Variants in TEKT5 observed in about 807,000 individuals in gnomAD.
The protein encoded by TEKT5 is tektin 5, also known as tektin-5.
TEKT5 carries 52 observed loss-of-function variants against 48.7 expected under a neutral mutation model. The ratio of observed to expected loss-of-function variants is 1.07; its 90% CI spans 0.86 to 1.35. The LOEUF (loss-of-function observed/expected upper bound fraction) is 1.35, where lower values mean the gene tolerates loss of function less well. TEKT5 is among the 40% of genes most tolerant of loss of function. The pLI, the probability that TEKT5 is intolerant of heterozygous loss-of-function variation, is 0.00. For synonymous variants in TEKT5, 318 were observed against 267.6 expected (o/e 1.19, Z -1.84); for missense variants, 831 against 641.6 (o/e 1.30, Z -3.19).
At chr16:10,680,796 G>A (rs1379350901) in intron 4 of TEKT5, among the ~76,000 whole-genome samples, 2 of 141,544 alleles carry the variant, frequency 1.4e-5, no homozygotes, top group African/African-American at 5.2e-5. Flanking sequence ...ACTCATAGGT[G>A]GGAACTGAAC....
At chr16:10,634,008 T>G (rs1043694271) in intron 6 of TEKT5, among the ~76,000 whole-genome samples, 1 of 152,134 alleles carries the variant, frequency 6.6e-6, no homozygotes, top group Admixed American at 6.5e-5. Flanking sequence ...AACTGATAGC[T>G]CTCTTCTTGA....
intron 5 of TEKT5, among the ~76,000 whole-genome samples, chr16:10,660,468 C>A (rs1035127424): frequency 6.6e-6 from 1 of 152,056 alleles, no homozygotes; most frequent in East Asian, 1.9e-4. Context: ...TCAGCCCTAA[C>A]ACAAACCAAC....
At chr16:10,642,191 C>G (rs1357831176) in intron 5 of TEKT5, among the ~76,000 whole-genome samples, 2 of 152,194 alleles carry the variant, frequency 1.3e-5, no homozygotes, top group Non-Finnish European at 2.9e-5. Context: ...CCTAGAGGCA[C>G]TAGCCCTCCC....
rs867596588 is a variant in TEKT5 at position 10,676,158 on chromosome 16, G to A, written c.887C>T (p.Ala296Val). Reference protein sequence around the residue: ...DGTISVPETWAKFSNDNIKHS... With the variant: ...DGTISVPETWVKFSNDNIKHS... The stretch of plus-strand genomic sequence containing the variant: ...TTTGATGTTGTCGTTACTGAACTTG[G>A]CCCAGGTCTCAGGTACGGAGATCCT... Residue 296 changes from alanine (A) to valine (V), a missense_variant, in exon 5 of 7, where the codon GCC becomes GTC. Transcript: ENST00000283025. 6.2e-7 allele frequency: 1 copy of A among 1,614,056 alleles called. No homozygotes were observed. Among genetic ancestry groups the A allele is most frequent in the Admixed American group, 1.7e-5 (1 of 60,002 alleles).
chr16:10,642,126 G>T (rs770722535), intron 5 of TEKT5, among the ~76,000 whole-genome samples: 1 of 152,228 alleles, frequency 6.6e-6, no homozygotes. Context: ...ATGAGTACAT[G>T]ACACATGTCT....
intron 1 of TEKT5, 50 bp from the exon 2 acceptor site, chr16:10,690,075 C>T: frequency 1.3e-6 from 2 of 1,594,360 alleles, no homozygotes; most frequent in Non-Finnish European, 1.7e-6. Flanking sequence ...TGTATGTAGA[C>T]CCTGAGCAGA....
At chr16:10,628,377 C>T (rs1460579813) in intron 6 of TEKT5, among the ~76,000 whole-genome samples, 3 of 152,182 alleles carry the variant, frequency 2.0e-5, no homozygotes, top group Admixed American at 1.3e-4. Flanking sequence ...GGAGATTCCT[C>T]GATAAGTTAG....
chr16:10,638,474 A>C (rs1596401285), intron 5 of TEKT5, among the ~76,000 whole-genome samples: 1 of 152,214 alleles, frequency 6.6e-6, no homozygotes, highest in East Asian at 1.9e-4. Context: ...GCATGTGCTC[A>C]GTCCCTGAGA....
chr16:10,668,026 C>T (rs905387728), intron 5 of TEKT5, among the ~76,000 whole-genome samples: 3 of 151,978 alleles, frequency 2.0e-5, no homozygotes, highest in Non-Finnish European at 4.4e-5. Flanking sequence ...TACAGGCATG[C>T]GCCACCATGC....
At chr16:10,645,910 T>C (rs975904657) in intron 5 of TEKT5, among the ~76,000 whole-genome samples, 5 of 152,032 alleles carry the variant, frequency 3.3e-5, no homozygotes, top group African/African-American at 1.2e-4. Flanking sequence ...GGTGGGAGGA[T>C]CGCTTGAGCC....
intron 6 of TEKT5, among the ~76,000 whole-genome samples, chr16:10,630,620 T>C (rs1012947253): frequency 2.0e-5 from 3 of 152,210 alleles, no homozygotes; most frequent in Non-Finnish European, 4.4e-5. Flanking sequence ...TGGAAAGATC[T>C]ATATCTGCAC....
intron 5 of TEKT5, among the ~76,000 whole-genome samples, chr16:10,654,448 G>C (rs2142278998): frequency 6.6e-6 from 1 of 152,254 alleles, no homozygotes; most frequent in Admixed American, 6.5e-5. Context: ...CCATTATTTT[G>C]AGGTGTGTCT....
In TEKT5 at chr16:10,627,867, G is replaced by C. The variant is rs887135973; in HGVS notation, c.1242-68C>G. The C allele has an allele frequency of 4.9e-6, 7 of 1,439,304 alleles. No homozygotes were observed. The South Asian group carries it at 6.2e-5, about 13-fold the overall frequency. 89.2% of individuals were successfully genotyped at this position (1,439,304 alleles called of 1,614,324 possible). A position where few individuals can be genotyped will look rare whatever the true frequency, so the allele number is the denominator to read the frequency against. ...TTTTATTTGTTTATTTTTTGAGACA[G>C]AGTCTCACTCTGTCACCCAGGCTGG... On this transcript the variant is annotated intron_variant, in intron 6 of 6. Coordinates refer to ENST00000283025, the MANE Select transcript of TEKT5 (RefSeq NM_144674.2).
In TEKT5 at chr16:10,635,783, T is replaced by C. The variant is rs376579780; in HGVS notation, c.1222A>G (p.Arg408Gly). 6.2e-7 allele frequency: 1 copy of C among 1,614,020 alleles called. No individual in the cohort carries two copies. The highest frequency in any genetic ancestry group is 1.3e-5 in the African/African-American group (1 of 74,932). The change falls in exon 6 of 7, where the codon AGG becomes GGG. Residue 408 changes from arginine to glycine, a missense_variant. Coordinates refer to ENST00000283025, the MANE Select transcript of TEKT5 (RefSeq NM_144674.2). ...ACTTACTTCAACTGCGGGATGTCCC[T>C]GCACAGCTCCATGTTGGGGCGCCGG... ...RTRRPNMELCRDIPQLKLVNE... is the reference protein window; with the variant it reads ...RTRRPNMELCGDIPQLKLVNE...
chr16:10,661,456 A>C (rs117618632), intron 5 of TEKT5, among the ~76,000 whole-genome samples: 6,386 of 152,282 alleles, frequency 0.042, 191 homozygotes, highest in Non-Finnish European at 0.061. Context: ...CAAGCTATTC[A>C]TATGCATATT....
chr16:10,667,089 T>C (rs1235043492), intron 5 of TEKT5, among the ~76,000 whole-genome samples: 2 of 151,090 alleles, frequency 1.3e-5, no homozygotes, highest in Admixed American at 6.6e-5. Flanking sequence ...GCTCAAGTGA[T>C]CCTCCCACTT....
intron 5 of TEKT5, among the ~76,000 whole-genome samples, chr16:10,674,372 G>A (rs961929506): frequency 6.6e-5 from 10 of 152,034 alleles, no homozygotes; most frequent in South Asian, 4.2e-4. Flanking sequence ...GGTGGCTCAC[G>A]CCTGTAATCC....
At chr16:10,670,115 C>T (rs149171289) in intron 5 of TEKT5, among the ~76,000 whole-genome samples, 170 of 152,294 alleles carry the variant, frequency 1.1e-3, no homozygotes, top group African/African-American at 3.8e-3. Flanking sequence ...TTCCTGTGAC[C>T]ACTTGGGAAA....
chr16:10,660,654 T>C (rs1318186229), intron 5 of TEKT5, among the ~76,000 whole-genome samples: 1 of 139,856 alleles, frequency 7.2e-6, no homozygotes, highest in East Asian at 2.3e-4. Context: ...CCAGCAGGAG[T>C]GCAAGGCTGT....
Sources: allele counts gnomAD v4.1 joint callset (sites outside exome capture counted in the v4.1 genomes callset), GRCh38; gene constraint gnomAD v4.1.1; transcripts MANE v1.5; gene names NCBI Gene and HGNC (gene_info 2026-07-23, HGNC 2026-07-21).